The following RAB6A variants were observed in gnomAD, a reference collection of about 807,000 sequenced individuals.
The protein encoded by RAB6A is RAB6A, member RAS oncogene family.
Under a neutral mutation model 32.3 loss-of-function variants are expected in RAB6A, and 8 were observed. The observed-to-expected ratio is 0.25, with a 90% CI of 0.15 to 0.45. The LOEUF is 0.45. Among genes scored for constraint, RAB6A ranks in the 20% least tolerant of loss-of-function variants. RAB6A has a pLI of 1.00. For missense variants in RAB6A, 104 were observed against 249.4 expected (o/e 0.42, Z 3.93); for synonymous variants, 73 against 82.1 (o/e 0.89, Z 0.60).
intron 2 of RAB6A, chr11:73,730,263 T>G (rs375664963): frequency 4.6e-5 from 7 of 152,882 alleles, no homozygotes; most frequent in African/African-American, 1.7e-4. Flanking sequence ...TTGTATACCA[T>G]AAGTTTTGGT....
At chr11:73,752,227 G>A (rs1209665635) in intron 1 of RAB6A, among the ~76,000 whole-genome samples, 1 of 152,198 alleles carries the variant, frequency 6.6e-6, no homozygotes, top group Non-Finnish European at 1.5e-5. Flanking sequence ...GGGAGGCCAA[G>A]GGGGCAGATC....
chr11:73,722,471 C>A (rs1235189036), intron 2 of RAB6A: 2 of 148,712 alleles, frequency 1.3e-5, no homozygotes, highest in African/African-American at 5.0e-5. Flanking sequence ...GTAGCTGGGA[C>A]TACAGGTGCA....
chr11:73,745,580 A>G (rs1565378123), intron 1 of RAB6A, among the ~76,000 whole-genome samples: 4 of 152,154 alleles, frequency 2.6e-5, no homozygotes, highest in Admixed American at 6.6e-5. Context: ...CCTTGTCTCT[A>G]TTAAAAATTC....
At chr11:73,750,029 T>C (rs150859136) in intron 1 of RAB6A, among the ~76,000 whole-genome samples, 1 of 152,262 alleles carries the variant, frequency 6.6e-6, no homozygotes, top group East Asian at 1.9e-4. Flanking sequence ...TTTTAAAAAA[T>C]ATTTTTTTTA....
chr11:73,748,076 T>A (rs994910448), intron 1 of RAB6A, among the ~76,000 whole-genome samples: 4 of 152,230 alleles, frequency 2.6e-5, no homozygotes, highest in Non-Finnish European at 5.9e-5. Flanking sequence ...CCACCAATTT[T>A]AAAATTCATC....
rs562957151 is a variant in RAB6A at position 73,676,417 on chromosome 11, A to G, written c.*1481T>C. 1 of 167,172 alleles carries G rather than the reference A, an allele frequency of 6.0e-6. No individual in the cohort carries two copies. The highest frequency in any genetic ancestry group is 1.5e-5 in the Non-Finnish European group (1 of 68,102). 10.4% of individuals were successfully genotyped at this position (167,172 alleles called of 1,614,324 possible). ...ATATTTGTTTGCAGTGTTTTAAGGG[A>G]AATACATATTGCCATGGTGAAGCTC... On this transcript the variant is annotated 3_prime_UTR_variant, in exon 8 of 8. Coordinates refer to ENST00000336083, the MANE Select transcript of RAB6A (RefSeq NM_198896.2).
intron 6 of RAB6A, among the ~76,000 whole-genome samples, chr11:73,697,002 C>T (rs745335096): frequency 6.6e-6 from 1 of 152,170 alleles, no homozygotes; most frequent in Non-Finnish European, 1.5e-5. Flanking sequence ...CACTACTGCC[C>T]ACATGGTCTT....
intron 6 of RAB6A, among the ~76,000 whole-genome samples, chr11:73,686,763 G>A (rs1359901626): frequency 6.6e-6 from 1 of 151,836 alleles, no homozygotes; most frequent in Non-Finnish European, 1.5e-5. Context: ...AGTATTCCAG[G>A]GCAAGTACTG....
chr11:73,760,241 G>C, intron 1 of RAB6A: 1 of 731,162 alleles, frequency 1.4e-6, no homozygotes, highest in Non-Finnish European at 2.1e-6. Context: ...CGGGGTACGG[G>C]CAATGACCGA....
Position 73,716,233 on chromosome 11 carries a change from T to C in RAB6A, c.401+18A>G, listed in dbSNP as rs1289329248. 3 of 1,541,566 alleles carry C rather than the reference T, an allele frequency of 1.9e-6. No homozygotes were observed. Among genetic ancestry groups the C allele is most frequent in the African/African-American group, 2.7e-5 (2 of 73,400 alleles). ...TCACAGAAATCAAACATTACACACA[T>C]ATAAAATAACTCCATACCTCTTGTC... On this transcript the variant is annotated intron_variant, in intron 5 of 7. Coordinates refer to ENST00000336083, the MANE Select transcript of RAB6A (RefSeq NM_198896.2).
At chr11:73,756,060 T>G (rs1946746855) in intron 1 of RAB6A, among the ~76,000 whole-genome samples, 1 of 151,874 alleles carries the variant, frequency 6.6e-6, no homozygotes, top group Non-Finnish European at 1.5e-5. Context: ...CAATATAAAA[T>G]GTTCAGTACT....
At chr11:73,700,930 A>T (rs1326160249) in intron 6 of RAB6A, among the ~76,000 whole-genome samples, 1 of 152,194 alleles carries the variant, frequency 6.6e-6, no homozygotes, top group African/African-American at 2.4e-5. Flanking sequence ...GGTAAAATAA[A>T]CTGTTTTAAG....
At chr11:73,687,877 C>CG (rs1565346487) in intron 6 of RAB6A, among the ~76,000 whole-genome samples, 1 of 152,000 alleles carries the variant, frequency 6.6e-6, no homozygotes, top group Admixed American at 6.6e-5. Context: ...AAAGAAGTCA[C>CG]GGATGTTACC....
At chr11:73,715,163 G>A (rs530295848) in intron 5 of RAB6A, among the ~76,000 whole-genome samples, 1 of 151,782 alleles carries the variant, frequency 6.6e-6, no homozygotes, top group South Asian at 2.1e-4. Flanking sequence ...GTCTCACTCT[G>A]TTGCCCAGGC....
At chr11:73,739,288 T>C (rs1359004685) in intron 1 of RAB6A, among the ~76,000 whole-genome samples, 13 of 40,196 alleles carry the variant, frequency 3.2e-4, no homozygotes, top group African/African-American at 1.0e-3. Context: ...AAAAAAAATA[T>C]ATATATATAT....
intron 1 of RAB6A, among the ~76,000 whole-genome samples, chr11:73,743,754 T>A: frequency 6.6e-6 from 1 of 152,198 alleles, no homozygotes; most frequent in East Asian, 1.9e-4. Context: ...ACTATGTACT[T>A]TAGAGGCTCT....
At chr11:73,750,091 T>C (rs186761135) in intron 1 of RAB6A, among the ~76,000 whole-genome samples, 38 of 152,284 alleles carry the variant, frequency 2.5e-4, no homozygotes, top group African/African-American at 8.7e-4. Context: ...AAGTGAGAGA[T>C]ACGAAGGTAG....
intron 2 of RAB6A, among the ~76,000 whole-genome samples, chr11:73,721,345 G>A (rs1590861662): frequency 6.6e-6 from 1 of 152,134 alleles, no homozygotes; most frequent in Admixed American, 6.5e-5. Context: ...GCCATAGACA[G>A]CCAGAGACTC....
chr11:73,706,091 T>C (rs1945837511), intron 6 of RAB6A, among the ~76,000 whole-genome samples: 1 of 152,158 alleles, frequency 6.6e-6, no homozygotes, highest in Admixed American at 6.5e-5. Flanking sequence ...CAATATTACT[T>C]ACATTATGAT....
Sources: allele counts gnomAD v4.1 joint callset (sites outside exome capture counted in the v4.1 genomes callset), GRCh38; gene constraint gnomAD v4.1.1; transcripts MANE v1.5; gene names NCBI Gene and HGNC (gene_info 2026-07-23, HGNC 2026-07-21).